Variants in ADGRB3 observed in about 807,000 individuals in gnomAD.
ADGRB3 encodes adhesion G protein-coupled receptor B3.
Under a neutral mutation model 193.4 loss-of-function variants are expected in ADGRB3, and 37 were observed. The ratio of observed to expected loss-of-function variants is 0.19; its 90% CI spans 0.15 to 0.25. The LOEUF is 0.25. Among genes scored for constraint, ADGRB3 ranks in the 10% least tolerant of loss-of-function variants. ADGRB3 has a pLI of 1.00. For synonymous variants in ADGRB3, 690 were observed against 644.2 expected (o/e 1.07, Z -1.08); for missense variants, 1,637 against 1,852.9 (o/e 0.88, Z 2.14).
chr6:69,255,453 G>T (rs1766740045), intron 20 of ADGRB3, among the ~76,000 whole-genome samples: 1 of 152,210 alleles, frequency 6.6e-6, no homozygotes, highest in African/African-American at 2.4e-5. Flanking sequence ...TTTCTCTGAT[G>T]TCCAGTGATG....
intron 17 of ADGRB3, among the ~76,000 whole-genome samples, chr6:69,086,558 A>G (rs1293683091): frequency 1.3e-5 from 2 of 152,272 alleles, no homozygotes; most frequent in South Asian, 2.1e-4. Flanking sequence ...ACTAGGTTTT[A>G]TGATACTGTG....
intron 30 of ADGRB3, among the ~76,000 whole-genome samples, chr6:69,377,019 A>G (rs981435279): frequency 2.0e-5 from 3 of 152,086 alleles, no homozygotes; most frequent in African/African-American, 7.2e-5. Context: ...TGAAACATAG[A>G]CACTAAAAAT....
intron 3 of ADGRB3, among the ~76,000 whole-genome samples, chr6:68,839,907 A>G (rs1768118151): frequency 6.6e-6 from 1 of 152,090 alleles, no homozygotes; most frequent in Admixed American, 6.6e-5. Flanking sequence ...GGGGAGGGAG[A>G]GCACAGTGAT....
chr6:68,956,215 G>T, intron 7 of ADGRB3, 27 bp downstream of exon 7: 2 of 1,586,806 alleles, frequency 1.3e-6, no homozygotes, highest in Non-Finnish European at 8.6e-7. Context: ...GCATATCATG[G>T]GCACTCGTAC....
chr6:68,912,176 A>C (rs1582308582), intron 3 of ADGRB3, among the ~76,000 whole-genome samples: 1 of 151,952 alleles, frequency 6.6e-6, no homozygotes, highest in African/African-American at 2.4e-5. Context: ...GAAAACCTTT[A>C]GGGTCTATAG....
intron 20 of ADGRB3, among the ~76,000 whole-genome samples, chr6:69,258,376 T>C (rs2127271507): frequency 6.6e-6 from 1 of 152,340 alleles, no homozygotes; most frequent in Admixed American, 6.5e-5. Flanking sequence ...CATAGAATAC[T>C]GACAGAGACT....
intron 17 of ADGRB3, among the ~76,000 whole-genome samples, chr6:69,076,877 C>T (rs1435356473): frequency 6.6e-6 from 1 of 151,870 alleles, no homozygotes; most frequent in Non-Finnish European, 1.5e-5. Context: ...TAAGAATTTT[C>T]CTGGTGTTCT....
intron 22 of ADGRB3, among the ~76,000 whole-genome samples, chr6:69,328,096 T>C (rs1159038815): frequency 6.6e-6 from 1 of 152,170 alleles, no homozygotes; most frequent in African/African-American, 2.4e-5. Flanking sequence ...TGTTTTAGTT[T>C]CCCATTTCTT....
chr6:69,101,643 A>C (rs1355922064), intron 17 of ADGRB3, among the ~76,000 whole-genome samples: 1 of 151,846 alleles, frequency 6.6e-6, no homozygotes, highest in Non-Finnish European at 1.5e-5. Flanking sequence ...TTACCATATT[A>C]TACAGAAACA....
chr6:69,276,598 T>C (rs942502418), intron 20 of ADGRB3, among the ~76,000 whole-genome samples: 3 of 152,160 alleles, frequency 2.0e-5, no homozygotes, highest in African/African-American at 7.2e-5. Context: ...TTTGACCTTT[T>C]TTTCCCCCGG....
chr6:68,929,871 A>G (rs1271273266), intron 3 of ADGRB3, among the ~76,000 whole-genome samples: 1 of 152,044 alleles, frequency 6.6e-6, no homozygotes, highest in African/African-American at 2.4e-5. Flanking sequence ...TTCTACTATC[A>G]AATAATCAAA....
chr6:68,725,990 A>G (rs1218703405), intron 3 of ADGRB3, among the ~76,000 whole-genome samples: 2 of 151,608 alleles, frequency 1.3e-5, no homozygotes, highest in Admixed American at 6.6e-5. Flanking sequence ...CATAAAGGCT[A>G]TTAAAGAGGT....
intron 3 of ADGRB3, among the ~76,000 whole-genome samples, chr6:68,906,978 C>T (rs1370928034): frequency 6.6e-6 from 1 of 151,918 alleles, no homozygotes; most frequent in Admixed American, 6.6e-5. Flanking sequence ...TGCCACTTAA[C>T]TGTGAGACAT....
intron 15 of ADGRB3, among the ~76,000 whole-genome samples, chr6:69,057,643 G>A (rs1457773620): frequency 6.6e-6 from 1 of 151,898 alleles, no homozygotes. Context: ...TATCATGAAA[G>A]GGTGTCGAAT....
In ADGRB3 at chr6:69,110,073, G is replaced by A. The variant is rs1030845858; in HGVS notation, c.2480+34035G>A. ...AGCGATTCTCCTGCCTCAGCACCCC[G>A]AGTAGCTGGGATTACAGGCGCCTGC... On this transcript the variant is annotated intron_variant, in intron 17 of 31. Coordinates refer to ENST00000370598, the MANE Select transcript of ADGRB3 (RefSeq NM_001704.3). 2.7e-5 allele frequency among the ~76,000 whole-genome samples: 4 copies of A among 150,816 alleles called. No homozygotes were observed. In the East Asian group the frequency reaches 7.8e-4, roughly 29 times the overall value.
chr6:68,836,684 A>G (rs1768052287), intron 3 of ADGRB3, among the ~76,000 whole-genome samples: 1 of 152,118 alleles, frequency 6.6e-6, no homozygotes, highest in South Asian at 2.1e-4. Context: ...CCTGCCATAT[A>G]TCTTACTTAG....
intron 3 of ADGRB3, among the ~76,000 whole-genome samples, chr6:68,829,985 T>G (rs1203205446): frequency 6.6e-6 from 1 of 152,100 alleles, no homozygotes; most frequent in African/African-American, 2.4e-5. Context: ...TATACTAAAT[T>G]ATCAGTGAGT....
chr6:69,005,478 A>AT (rs1769720227), intron 11 of ADGRB3, among the ~76,000 whole-genome samples: 1 of 152,104 alleles, frequency 6.6e-6, no homozygotes, highest in East Asian at 1.9e-4. Flanking sequence ...TCCTGGAACA[A>AT]TGTTCTTACG....
chr6:68,751,363 C>A (rs973242650), intron 3 of ADGRB3, among the ~76,000 whole-genome samples: 1 of 152,138 alleles, frequency 6.6e-6, no homozygotes, highest in Non-Finnish European at 1.5e-5. Flanking sequence ...TTTCCCCCAA[C>A]CCACTGTCCT....
Sources: gnomAD v4.1 joint callset for allele counts (sites outside exome capture counted in the v4.1 genomes callset) on GRCh38, gnomAD v4.1.1 for gene constraint, MANE v1.5 for transcripts, NCBI Gene and HGNC (gene_info 2026-07-23, HGNC 2026-07-21) for gene names.